The following SORCS3 variants were observed in gnomAD, a reference collection of about 807,000 sequenced individuals.
The protein encoded by SORCS3 is sortilin related VPS10 domain containing receptor 3.
A neutral mutation model predicts 146.3 loss-of-function variants in SORCS3; 57 were observed. The ratio of observed to expected loss-of-function variants is 0.39; its 90% CI spans 0.31 to 0.49. The LOEUF (loss-of-function observed/expected upper bound fraction) is 0.49, where lower values mean the gene tolerates loss of function less well. Ranked by LOEUF, SORCS3 falls within the 20% of genes least tolerant of loss-of-function variation. SORCS3 has a pLI of 0.92. For synonymous variants in SORCS3, 653 were observed against 618.5 expected (o/e 1.06, Z -0.83); for missense variants, 1,341 against 1,575.5 (o/e 0.85, Z 2.52).
intron 1 of SORCS3, among the ~76,000 whole-genome samples, chr10:104,652,230 A>G (rs888319770): frequency 6.6e-6 from 1 of 152,206 alleles, no homozygotes; most frequent in African/African-American, 2.4e-5. Context: ...TCGCTCATTC[A>G]TTCAATAATT....
chr10:104,676,119 T>A (rs1258873879), intron 1 of SORCS3, among the ~76,000 whole-genome samples: 1 of 152,234 alleles, frequency 6.6e-6, no homozygotes, highest in East Asian at 1.9e-4. Context: ...CCTAGTATAA[T>A]CTTTAAATTG....
At chr10:104,972,144 G>C (rs922669675) in intron 3 of SORCS3, among the ~76,000 whole-genome samples, 8 of 152,108 alleles carry the variant, frequency 5.3e-5, no homozygotes, top group African/African-American at 1.2e-4. Flanking sequence ...TTCGAGACCA[G>C]CCTGGCCAAC....
At chr10:105,064,254 G>T (rs1298735217) in intron 5 of SORCS3, among the ~76,000 whole-genome samples, 1 of 152,164 alleles carries the variant, frequency 6.6e-6, no homozygotes, top group African/African-American at 2.4e-5. Context: ...GGTTGCCATG[G>T]TGAGTGTAAA....
intron 1 of SORCS3, among the ~76,000 whole-genome samples, chr10:104,722,004 C>A (rs1006234453): frequency 1.3e-5 from 2 of 152,136 alleles, no homozygotes; most frequent in Non-Finnish European, 2.9e-5. Flanking sequence ...GCCAGAACTT[C>A]CAACACTATG....
chr10:105,011,909 T>C (rs1228472439), intron 4 of SORCS3, among the ~76,000 whole-genome samples: 1 of 152,204 alleles, frequency 6.6e-6, no homozygotes, highest in African/African-American at 2.4e-5. Context: ...TTTATTGTTA[T>C]AGTTGGCCTA....
intron 2 of SORCS3, among the ~76,000 whole-genome samples, chr10:104,889,546 T>A (rs547537327): frequency 6.6e-6 from 1 of 151,842 alleles, no homozygotes; most frequent in East Asian, 1.9e-4. Context: ...TGCTTTTGGG[T>A]TTATAGTACA....
At chr10:105,037,092 T>C (rs1397212537) in intron 4 of SORCS3, among the ~76,000 whole-genome samples, 1 of 152,158 alleles carries the variant, frequency 6.6e-6, no homozygotes, top group Non-Finnish European at 1.5e-5. Flanking sequence ...TCTACCCTCA[T>C]ATGATCATTA....
chr10:104,792,546 T>C (rs2017507037), intron 1 of SORCS3, among the ~76,000 whole-genome samples: 1 of 152,228 alleles, frequency 6.6e-6, no homozygotes, highest in African/African-American at 2.4e-5. Context: ...GCGCTTGCAC[T>C]ATTTCTGGCA....
At chr10:105,017,183 C>G (rs1037374721) in intron 4 of SORCS3, among the ~76,000 whole-genome samples, 1 of 151,286 alleles carries the variant, frequency 6.6e-6, no homozygotes, top group African/African-American at 2.4e-5. Flanking sequence ...TTCTGCTGGT[C>G]TCTGCATGAA....
At chr10:104,723,058 T>C (rs2016570995) in intron 1 of SORCS3, among the ~76,000 whole-genome samples, 1 of 152,234 alleles carries the variant, frequency 6.6e-6, no homozygotes, top group African/African-American at 2.4e-5. Context: ...CTAGTTCTTT[T>C]AATGGTGATG....
At chr10:104,841,346 T>G (rs2018137354) in intron 1 of SORCS3, among the ~76,000 whole-genome samples, 1 of 152,196 alleles carries the variant, frequency 6.6e-6, no homozygotes, top group Non-Finnish European at 1.5e-5. Flanking sequence ...TGTGTGCTAT[T>G]AATACATACT....
chr10:105,200,680 G>A (rs1418429914), intron 15 of SORCS3, among the ~76,000 whole-genome samples: 1 of 152,166 alleles, frequency 6.6e-6, no homozygotes, highest in Non-Finnish European at 1.5e-5. Flanking sequence ...ATTTGGGCAT[G>A]GTCGTTTATC....
intron 1 of SORCS3, among the ~76,000 whole-genome samples, chr10:104,798,428 T>A (rs991330864): frequency 6.6e-6 from 1 of 152,194 alleles, no homozygotes; most frequent in Non-Finnish European, 1.5e-5. Context: ...CCTCAAGTCA[T>A]CTGCATAACA....
At chr10:105,044,066 C>T (rs771767823) in intron 5 of SORCS3, among the ~76,000 whole-genome samples, 14 of 151,830 alleles carry the variant, frequency 9.2e-5, no homozygotes, top group Admixed American at 6.6e-5. Context: ...TAATTATATG[C>T]TTAATGAAAA....
At chr10:105,250,049 C>G (rs759502527) in intron 22 of SORCS3, among the ~76,000 whole-genome samples, 5 of 152,102 alleles carry the variant, frequency 3.3e-5, no homozygotes, top group Non-Finnish European at 7.4e-5. Flanking sequence ...AGTACAAGAT[C>G]AAGATGCTGG....
intron 1 of SORCS3, among the ~76,000 whole-genome samples, chr10:104,820,862 G>A (rs1043909590): frequency 6.6e-6 from 1 of 152,182 alleles, no homozygotes; most frequent in African/African-American, 2.4e-5. Flanking sequence ...AGGAGCAACA[G>A]AATCTGTCTT....
intron 3 of SORCS3, among the ~76,000 whole-genome samples, chr10:104,974,960 A>C (rs1274857440): frequency 6.6e-6 from 1 of 152,118 alleles, no homozygotes; most frequent in Non-Finnish European, 1.5e-5. Context: ...TATGAAGCTT[A>C]GTTTGGCTGG....
chr10:105,164,078 A>C (rs1589665275), intron 11 of SORCS3, among the ~76,000 whole-genome samples: 1 of 152,040 alleles, frequency 6.6e-6, no homozygotes, highest in South Asian at 2.1e-4. Context: ...ATTGTCTTTG[A>C]CTCATGACAT....
intron 14 of SORCS3, among the ~76,000 whole-genome samples, chr10:105,198,179 A>G (rs920642811): frequency 1.9e-4 from 29 of 152,194 alleles, no homozygotes; most frequent in African/African-American, 7.0e-4. Context: ...ATAGAAAGGA[A>G]TGTGATTAAT....
Sources: allele counts gnomAD v4.1 joint callset (sites outside exome capture counted in the v4.1 genomes callset), GRCh38; gene constraint gnomAD v4.1.1; transcripts MANE v1.5; gene names NCBI Gene and HGNC (gene_info 2026-07-23, HGNC 2026-07-21).